The following RFX3 variants were observed in gnomAD, a reference collection of about 807,000 sequenced individuals.
RFX3 encodes regulatory factor X3.
A neutral mutation model predicts 98.6 loss-of-function variants in RFX3; 14 were observed. That is an observed-to-expected ratio of 0.14 (90% CI 0.09 to 0.22). RFX3 has a LOEUF of 0.22. RFX3 is among the 10% of genes least tolerant of loss of function. The pLI is 1.00. For missense variants in RFX3, 639 were observed against 926.9 expected (o/e 0.69, Z 4.03); for synonymous variants, 383 against 328.4 (o/e 1.17, Z -1.80).
intron 11 of RFX3, among the ~76,000 whole-genome samples, chr9:3,267,091 T>A (rs886331025): frequency 3.3e-5 from 5 of 151,990 alleles, no homozygotes; most frequent in African/African-American, 1.2e-4. Context: ...GACTATTTTA[T>A]AAGAAAAAAT....
intron 1 of RFX3, chr9:3,400,364 A>G (rs1178433594): frequency 4.6e-6 from 1 of 218,064 alleles, no homozygotes; most frequent in African/African-American, 2.4e-5. Flanking sequence ...AGTCACGGAG[A>G]ACTTTCCATC....
intron 4 of RFX3, among the ~76,000 whole-genome samples, chr9:3,317,338 C>T (rs544546377): frequency 1.3e-5 from 2 of 152,314 alleles, no homozygotes; most frequent in Admixed American, 1.3e-4. Context: ...GAAACTGGAT[C>T]TCTTCCTTAC....
intron 1 of RFX3, among the ~76,000 whole-genome samples, chr9:3,441,182 T>TTGGA (rs1419050670): frequency 1.3e-5 from 2 of 152,148 alleles, no homozygotes; most frequent in Non-Finnish European, 2.9e-5. Flanking sequence ...TTTCTCATTG[T>TTGGA]TGGATAGAGA....
At chr9:3,515,140 A>C (rs886614246) in intron 1 of RFX3, among the ~76,000 whole-genome samples, 1 of 152,186 alleles carries the variant, frequency 6.6e-6, no homozygotes, top group Admixed American at 6.5e-5. Flanking sequence ...GCAAAACATA[A>C]AGAGGTAGAT....
intron 2 of RFX3, among the ~76,000 whole-genome samples, chr9:3,392,443 T>TA (rs34745040): frequency 1.0e-4 from 14 of 135,882 alleles, no homozygotes; most frequent in African/African-American, 2.7e-4. Flanking sequence ...TCCTGAAAAT[T>TA]AAAAAAAAAG....
chr9:3,288,035 G>A (rs756273952), intron 7 of RFX3, 96 bp downstream of exon 7: 24 of 1,142,994 alleles, frequency 2.1e-5, no homozygotes, highest in Admixed American at 1.7e-4. Flanking sequence ...CAATAAGAAC[G>A]TTCTTTTATA....
intron 16 of RFX3, 72 bp from the exon 17 acceptor site, chr9:3,225,352 A>G: frequency 1.3e-6 from 2 of 1,577,816 alleles, no homozygotes; most frequent in Non-Finnish European, 1.7e-6. Context: ...GGTGCTTTAG[A>G]AACACTTTAA....
chr9:3,415,247 C>A (rs1435836866), intron 1 of RFX3, among the ~76,000 whole-genome samples: 1 of 146,574 alleles, frequency 6.8e-6, no homozygotes, highest in Middle Eastern at 3.3e-3. Flanking sequence ...TGGGATCTTG[C>A]TCTGTTGCCC....
At chr9:3,413,078 G>A (rs1842592640) in intron 1 of RFX3, among the ~76,000 whole-genome samples, 1 of 150,886 alleles carries the variant, frequency 6.6e-6, no homozygotes, top group Non-Finnish European at 1.5e-5. Flanking sequence ...CTCTCCTTGA[G>A]AAATAAACAG....
chr9:3,349,358 C>T (rs1834813898), intron 2 of RFX3, among the ~76,000 whole-genome samples: 1 of 151,898 alleles, frequency 6.6e-6, no homozygotes, highest in African/African-American at 2.4e-5. Flanking sequence ...ATTTGTATTA[C>T]TATAAAGTCA....
At chr9:3,259,234 A>T (rs1341015243) in intron 13 of RFX3, among the ~76,000 whole-genome samples, 4 of 152,016 alleles carry the variant, frequency 2.6e-5, no homozygotes, top group African/African-American at 9.7e-5. Context: ...ATTTAATTTC[A>T]TTTCTTACCA....
intron 1 of RFX3, among the ~76,000 whole-genome samples, chr9:3,413,339 A>G (rs1842621150): frequency 6.6e-6 from 1 of 152,148 alleles, no homozygotes; most frequent in Non-Finnish European, 1.5e-5. Flanking sequence ...TAAACAATTC[A>G]TAATTTAGGT....
At chr9:3,402,464 T>C (rs997344525) in intron 1 of RFX3, among the ~76,000 whole-genome samples, 3 of 152,206 alleles carry the variant, frequency 2.0e-5, no homozygotes, top group Admixed American at 1.3e-4. Context: ...TTAATGGGTA[T>C]AGTAAAAATA....
intron 3 of RFX3, among the ~76,000 whole-genome samples, chr9:3,332,966 A>C (rs1431423859): frequency 6.6e-6 from 1 of 152,084 alleles, no homozygotes; most frequent in Admixed American, 6.5e-5. Context: ...TCCTCACAGG[A>C]CTGTTATGTT....
intron 4 of RFX3, among the ~76,000 whole-genome samples, chr9:3,312,295 T>G (rs771689732): frequency 6.6e-6 from 1 of 152,222 alleles, no homozygotes; most frequent in Non-Finnish European, 1.5e-5. Flanking sequence ...TTGTAGTTTG[T>G]GGCTTTAAAA....
At chr9:3,237,972 CAA>C (rs760381489) in intron 15 of RFX3, among the ~76,000 whole-genome samples, 6 of 96,752 alleles carry the variant, frequency 6.2e-5, no homozygotes, top group Admixed American at 1.1e-4. Flanking sequence ...GACCCTGTCT[CAA>C]AAAAAAAAAA....
At chr9:3,327,506 C>A (rs1233460719) in intron 4 of RFX3, among the ~76,000 whole-genome samples, 1 of 151,866 alleles carries the variant, frequency 6.6e-6, no homozygotes, top group East Asian at 1.9e-4. Flanking sequence ...CACTATCAAT[C>A]AATATGGGCT....
chr9:3,348,151 A>T (rs1024862306), intron 2 of RFX3, among the ~76,000 whole-genome samples: 3 of 152,172 alleles, frequency 2.0e-5, no homozygotes, highest in African/African-American at 7.2e-5. Flanking sequence ...AAACTGGGTC[A>T]TTTATCTTGG....
intron 8 of RFX3, among the ~76,000 whole-genome samples, chr9:3,276,075 C>T (rs752306593): frequency 9.2e-5 from 14 of 152,092 alleles, no homozygotes; most frequent in Non-Finnish European, 1.8e-4. Context: ...AAATAACATA[C>T]AATTTAACAA....
Sources: gnomAD v4.1 joint callset for allele counts (sites outside exome capture counted in the v4.1 genomes callset) on GRCh38, gnomAD v4.1.1 for gene constraint, MANE v1.5 for transcripts, NCBI Gene and HGNC (gene_info 2026-07-23, HGNC 2026-07-21) for gene names.